Variants in VSTM1 observed in about 807,000 individuals in gnomAD.
The protein encoded by VSTM1 is V-set and transmembrane domain-containing protein 1.
VSTM1 carries 27 observed loss-of-function variants against 33.1 expected under a neutral mutation model. The observed-to-expected ratio is 0.82, with a 90% confidence interval of 0.60 to 1.12. VSTM1 has a LOEUF of 1.12. Among genes scored for constraint, VSTM1 ranks in the 50% most tolerant of loss-of-function variants. The probability of loss-of-function intolerance (pLI) is 0.00; values close to 1 mark genes in which losing one functional copy is unlikely to be tolerated. For synonymous variants in VSTM1, 115 were observed against 110.3 expected, an observed-to-expected ratio of 1.04 and a Z score of -0.27; for missense variants, 304 against 288.9, an observed-to-expected ratio of 1.05 and a Z score of -0.38.
chr19:54,058,430 G>A lies in VSTM1; in HGVS notation c.231C>T (p.Asn77=), dbSNP rs371629137. Residue 77 remains asparagine, a synonymous_variant, in exon 3 of 9, where the codon AAC becomes AAT. Transcript: ENST00000338372. ...GGTCCGTGAAGGGGAATTCAGCTTC[G>A]TTTTCTGCCGAGCTCTGTTCCTGCT... is the stretch of plus-strand genomic sequence containing the variant. ...GYKQEQSSAE[N]EAEFPFTDLK... 1.4e-4 allele frequency: 220 copies of A among 1,614,010 alleles called. No individual in the cohort carries two copies. The highest frequency in any genetic ancestry group is 8.2e-4 in the Middle Eastern group (5 of 6,062).
intron 1 of VSTM1, among the ~76,000 whole-genome samples, 192 bp downstream of exon 1, chr19:54,063,552 G>T (rs955575661): frequency 6.6e-6 from 1 of 152,120 alleles, no homozygotes; most frequent in African/African-American, 2.4e-5. Flanking sequence ...CCGTGTCTCT[G>T]CAGCGCGGCC....
intron 1 of VSTM1, among the ~76,000 whole-genome samples, chr19:54,059,917 G>A (rs993750972): frequency 2.0e-5 from 3 of 150,522 alleles, no homozygotes; most frequent in Non-Finnish European, 4.4e-5. Context: ...GCGCGATCTC[G>A]GCTCACCGCA....
chr19:54,049,991 AT>A (rs11297678), intron 4 of VSTM1, among the ~76,000 whole-genome samples: 12,151 of 99,072 alleles, frequency 0.12, 261 homozygotes, highest in Middle Eastern at 0.17. Flanking sequence ...TAACTTTTTA[AT>A]TTTTTTTTTT....
intron 4 of VSTM1, among the ~76,000 whole-genome samples, chr19:54,051,006 T>A (rs2070811295): frequency 7.0e-6 from 1 of 142,748 alleles, no homozygotes; most frequent in Non-Finnish European, 1.5e-5. Flanking sequence ...CTCAAAAAAA[T>A]AAATAGGCCG....
chr19:54,049,465 A>G (rs1371192205), intron 4 of VSTM1, among the ~76,000 whole-genome samples: 4 of 152,190 alleles, frequency 2.6e-5, no homozygotes, highest in African/African-American at 9.7e-5. Context: ...ACAAAATGCC[A>G]GTGAATTGGA....
chr19:54,049,541 G>A (rs981440951), intron 4 of VSTM1, among the ~76,000 whole-genome samples: 2 of 152,052 alleles, frequency 1.3e-5, no homozygotes, highest in African/African-American at 4.8e-5. Context: ...GAAAATAAAT[G>A]ATACAAGAGC....
chr19:54,052,397 C>CA (rs1363012454), intron 3 of VSTM1, among the ~76,000 whole-genome samples: 4,905 of 131,388 alleles, frequency 0.037, 761 homozygotes, highest in African/African-American at 0.13. Flanking sequence ...GACTCCGTCT[C>CA]AAAAAAAAAA....
In VSTM1 at chr19:54,056,226, T is replaced by TTTTTC. The variant is rs1381120938; in HGVS notation, c.355+2079_355+2080insGAAAA. Among the ~76,000 whole-genome samples, 5 of 105,716 alleles carry TTTTTC rather than the reference T, an allele frequency of 4.7e-5. 1 individual carries two copies. Among genetic ancestry groups the TTTTTC allele is most frequent in the African/African-American group, 1.4e-4 (4 of 27,624 alleles). The allele number at this position is 105,716 out of a possible 152,430, so 69.4% of individuals were successfully genotyped here. On this transcript the variant is annotated intron_variant, in intron 3 of 8. Coordinates refer to ENST00000338372, the MANE Select transcript of VSTM1 (RefSeq NM_198481.4). ...TTTCTTTTCTTTTCTTTTTTTTTTT[T>TTTTTC]TTTTTTTTTTTTTGAGACAGGTTCT...
intron 4 of VSTM1, among the ~76,000 whole-genome samples, chr19:54,046,928 G>A (rs956614822): frequency 5.3e-5 from 8 of 152,114 alleles, no homozygotes; most frequent in African/African-American, 1.7e-4. Flanking sequence ...AGGCGTGGTG[G>A]CTCACACCTG....
intron 1 of VSTM1, among the ~76,000 whole-genome samples, chr19:54,060,454 C>G (rs188836703): frequency 1.2e-4 from 19 of 152,256 alleles, no homozygotes; most frequent in African/African-American, 4.3e-4. Context: ...GGTGCCGATA[C>G]AGAACGTGAC....
intron 4 of VSTM1, among the ~76,000 whole-genome samples, chr19:54,044,271 A>G (rs913028060): frequency 6.6e-6 from 1 of 152,084 alleles, no homozygotes; most frequent in African/African-American, 2.4e-5. Flanking sequence ...GAAAAGAATG[A>G]CCAGTGGCCG....
intron 1 of VSTM1, among the ~76,000 whole-genome samples, chr19:54,061,893 C>T (rs1483674277): frequency 6.6e-6 from 1 of 152,164 alleles, no homozygotes; most frequent in African/African-American, 2.4e-5. Flanking sequence ...CGCTGGCTCA[C>T]GCCTGTAATC....
chr19:54,043,934 C>T (rs76057368), intron 4 of VSTM1, among the ~76,000 whole-genome samples: 7,793 of 151,798 alleles, frequency 0.051, 287 homozygotes, highest in Admixed American at 0.1. Context: ...GATGCCAATC[C>T]CAGATGTGCC....
chr19:54,046,265 G>A (rs1406602065), intron 4 of VSTM1, among the ~76,000 whole-genome samples: 2 of 152,134 alleles, frequency 1.3e-5, no homozygotes, highest in Non-Finnish European at 2.9e-5. Context: ...GATCATCAGG[G>A]AGCAGCAAAA....
At chr19:54,058,245 A>C in intron 3 of VSTM1, 61 bp downstream of exon 3, 1 of 1,548,030 alleles carries the variant, frequency 6.5e-7, no homozygotes, top group Middle Eastern at 1.7e-4. Flanking sequence ...GTCTTAAAAA[A>C]AAAAAAGCAA....
intron 3 of VSTM1, among the ~76,000 whole-genome samples, chr19:54,057,256 C>T (rs12975075): frequency 0.084 from 11,846 of 140,478 alleles, 2,197 homozygotes; most frequent in East Asian, 0.14. Context: ...TGGTGACTCA[C>T]GCCTGTAATC....
At chr19:54,060,627 G>C (rs1289306906) in intron 1 of VSTM1, among the ~76,000 whole-genome samples, 1 of 152,138 alleles carries the variant, frequency 6.6e-6, no homozygotes, top group Non-Finnish European at 1.5e-5. Flanking sequence ...CCCAAATCCC[G>C]CTTTTAGATT....
intron 4 of VSTM1, among the ~76,000 whole-genome samples, chr19:54,050,371 GA>G (rs1398832262): frequency 2.0e-5 from 3 of 151,566 alleles, no homozygotes; most frequent in African/African-American, 4.8e-5. Context: ...AGCAACATTA[GA>G]AAAAAAATTC....
chr19:54,061,957 G>A (rs2071414281), intron 1 of VSTM1, among the ~76,000 whole-genome samples: 1 of 151,998 alleles, frequency 6.6e-6, no homozygotes, highest in Non-Finnish European at 1.5e-5. Context: ...GGAGTTCGAG[G>A]CCAGCCTGGC....
Sources: allele counts gnomAD v4.1 joint callset (sites outside exome capture counted in the v4.1 genomes callset), GRCh38; gene constraint gnomAD v4.1.1; transcripts MANE v1.5; gene names NCBI Gene and HGNC (gene_info 2026-07-23, HGNC 2026-07-21).